ABCA13: variants seen among roughly 807,000 people sequenced by gnomAD.
The protein encoded by ABCA13 is ATP binding cassette subfamily A member 13.
In ABCA13, 476 loss-of-function variants were observed where a neutral mutation model predicts 478.7. The observed-to-expected ratio is 0.99, with a 90% CI of 0.92 to 1.07. The LOEUF is 1.07. Among genes scored for constraint, ABCA13 ranks in the 50% least tolerant of loss-of-function variants. The probability of loss-of-function intolerance (pLI) is 0.00; values close to 1 mark genes in which losing one functional copy is unlikely to be tolerated. For missense variants in ABCA13, 6,060 were observed against 5,910.6 expected, an observed-to-expected ratio of 1.03 and a Z score of -0.83; for synonymous variants, 2,252 against 2,158.9, an observed-to-expected ratio of 1.04 and a Z score of -1.20.
At chr7:48,283,584 T>C (rs1797335955) in intron 19 of ABCA13, among the ~76,000 whole-genome samples, 1 of 152,140 alleles carries the variant, frequency 6.6e-6, no homozygotes, top group African/African-American at 2.4e-5. Flanking sequence ...AAGGATTGGA[T>C]AGGTCAATGC....
In ABCA13 at chr7:48,244,662, CT is replaced by C; in HGVS notation, c.1350del (p.Leu451SerfsTer5). On this transcript the variant is annotated frameshift_variant, in exon 11 of 62. Transcript: ENST00000435803. LOFTEE classifies it high-confidence loss of function. Reference sequence around the variant, plus strand: ...AAGAGATTTCTTCAGCTTGATGGAGCTCTCAGAAATGCGATAGCTCAGAATT... The same window carrying C: ...AAGAGATTTCTTCAGCTTGATGGAGCCTCAGAAATGCGATAGCTCAGAATT... The part of the protein sequence containing the change: ...ALKRFLQLDG[A>X]LRNAIAQNLH... The C allele has an allele frequency of 6.2e-7, 1 of 1,610,804 alleles. No individual in the cohort carries two copies. Among genetic ancestry groups the C allele is most frequent in the Non-Finnish European group, 8.5e-7 (1 of 1,178,138 alleles).
rs769701374 is a variant in ABCA13 at position 48,516,805 on chromosome 7, TA to T, written c.13724del (p.Asn4575ThrfsTer11). 2.0e-5 allele frequency: 33 copies of T among 1,613,788 alleles called. 1 individual carries two copies. The African/African-American group carries it at 2.5e-4, about 12-fold the overall frequency. On this transcript the variant is annotated frameshift_variant, in exon 52 of 62. Coordinates refer to ENST00000435803, the MANE Select transcript of ABCA13 (RefSeq NM_152701.5). LOFTEE classifies it high-confidence loss of function. ...GTGGCTTTCATTTCCTATGTCTCAC[TA>T]AACTTCATCTTTGGCCTTTGTACCA... is the stretch of plus-strand genomic sequence containing the variant. The part of the protein sequence containing the change: ...SDVAFISYVS[L>X]NFIFGLCTML...
chr7:48,192,404 TA>T (rs1217663982), intron 1 of ABCA13, among the ~76,000 whole-genome samples: 1 of 152,166 alleles, frequency 6.6e-6, no homozygotes, highest in African/African-American at 2.4e-5. Context: ...AATGAAAGAT[TA>T]TTTATACACA....
chr7:48,641,712 G>GC (rs2131690674), intron 59 of ABCA13, among the ~76,000 whole-genome samples: 1 of 152,244 alleles, frequency 6.6e-6, no homozygotes, highest in African/African-American at 2.4e-5. Flanking sequence ...ATAATGTTAT[G>GC]CCCAGACACA....
At chr7:48,606,616 C>T (rs890642021) in intron 58 of ABCA13, among the ~76,000 whole-genome samples, 3 of 152,164 alleles carry the variant, frequency 2.0e-5, no homozygotes, top group Admixed American at 2.0e-4. Flanking sequence ...CTACCAAATA[C>T]CAGCCAGAGC....
chr7:48,612,652 T>A (rs190158065), intron 58 of ABCA13, among the ~76,000 whole-genome samples: 8 of 152,342 alleles, frequency 5.3e-5, no homozygotes, highest in African/African-American at 1.9e-4. Flanking sequence ...TGATATATTC[T>A]CCTACTGTGA....
intron 59 of ABCA13, among the ~76,000 whole-genome samples, chr7:48,628,911 C>A (rs1793912923): frequency 6.6e-6 from 1 of 152,210 alleles, no homozygotes; most frequent in South Asian, 2.1e-4. Context: ...GCCACTCAAG[C>A]ATTCAGCTTC....
chr7:48,428,148 A>G (rs1313424673), intron 42 of ABCA13, among the ~76,000 whole-genome samples: 1 of 152,192 alleles, frequency 6.6e-6, no homozygotes, highest in Non-Finnish European at 1.5e-5. Context: ...ATACAGTTAG[A>G]ATAATGACCA....
chr7:48,376,410 G>C, intron 34 of ABCA13, 31 bp from the exon 35 acceptor site: 1 of 1,610,380 alleles, frequency 6.2e-7, no homozygotes, highest in Non-Finnish European at 8.5e-7. Context: ...AGCTTGTGCA[G>C]TTCTAACTCT....
Position 48,284,680 on chromosome 7 carries a change from A to G in ABCA13, c.8836+3228A>G, listed in dbSNP as rs566992407. 1.5e-3 allele frequency among the ~76,000 whole-genome samples: 231 copies of G among 152,364 alleles called. 1 individual carries two copies. The highest frequency in any genetic ancestry group is 3.4e-3 in the Middle Eastern group (1 of 294). On this transcript the variant is annotated intron_variant, in intron 19 of 61. Transcript: ENST00000435803. ...ATTCTGTATTGCAGCTGCTAAATTAATATAGCATACTTGAGATTACATTAG... is the reference window on the plus strand; with the variant it reads ...ATTCTGTATTGCAGCTGCTAAATTAGTATAGCATACTTGAGATTACATTAG...
intron 24 of ABCA13, 75 bp downstream of exon 24, chr7:48,310,216 C>T (rs1303136149): frequency 3.4e-6 from 5 of 1,483,206 alleles, no homozygotes; most frequent in Admixed American, 2.0e-5. Context: ...GTACAGTAGT[C>T]CTAGGGGTGC....
At chr7:48,342,964 A>T (rs1424592249) in intron 29 of ABCA13, among the ~76,000 whole-genome samples, 2 of 152,100 alleles carry the variant, frequency 1.3e-5, no homozygotes, top group African/African-American at 4.8e-5. Context: ...GTCTATTTTC[A>T]TCTAATTTTG....
intron 27 of ABCA13, among the ~76,000 whole-genome samples, chr7:48,328,964 T>C (rs576498892): frequency 1.7e-4 from 26 of 152,278 alleles, no homozygotes; most frequent in African/African-American, 6.3e-4. Context: ...TGAGGCCATG[T>C]TGGGAATATC....
At chr7:48,203,780 C>T (rs1051227820) in intron 3 of ABCA13, among the ~76,000 whole-genome samples, 1 of 152,238 alleles carries the variant, frequency 6.6e-6, no homozygotes, top group African/African-American at 2.4e-5. Context: ...TGACAACCTT[C>T]GGGAGGCGGA....
At chr7:48,505,730 C>T (rs1288169269) in intron 48 of ABCA13, among the ~76,000 whole-genome samples, 4 of 152,214 alleles carry the variant, frequency 2.6e-5, no homozygotes, top group Non-Finnish European at 5.9e-5. Context: ...TCTGGGGAAG[C>T]ACTGTCCCAC....
Position 48,279,902 on chromosome 7 carries a change from T to C in ABCA13, c.8708T>C (p.Ile2903Thr), listed in dbSNP as rs199967057. The C allele has an allele frequency of 6.6e-7, 1 of 1,520,186 alleles. No homozygotes were observed. The highest frequency in any genetic ancestry group is 2.3e-5 in the East Asian group (1 of 44,090). The allele number at this position is 1,520,186 out of a possible 1,614,324, so 94.2% of individuals were successfully genotyped here. The change falls in exon 18 of 62, where the codon ATC (isoleucine) becomes ACC (threonine). Residue 2903 changes from isoleucine to threonine, a missense_variant. Coordinates refer to ENST00000435803, the MANE Select transcript of ABCA13 (RefSeq NM_152701.5). Reference sequence around the variant, plus strand: ...GTATTGACTAAATACTGGCAACAAATCCCACTAACAGATCAAAGGTAATTA... The same window carrying C: ...GTATTGACTAAATACTGGCAACAAACCCCACTAACAGATCAAAGGTAATTA... ...LFVLTKYWQQ[I>T]PLTDQSVVEI...
intron 28 of ABCA13, among the ~76,000 whole-genome samples, chr7:48,337,645 C>A (rs942268063): frequency 6.6e-6 from 1 of 152,216 alleles, no homozygotes; most frequent in Non-Finnish European, 1.5e-5. Context: ...AATTCCCAGT[C>A]ATTGATCCTG....
intron 23 of ABCA13, among the ~76,000 whole-genome samples, chr7:48,307,384 C>T (rs368659191): frequency 3.2e-4 from 48 of 152,144 alleles, no homozygotes; most frequent in African/African-American, 1.0e-3. Context: ...AACACAAGAA[C>T]GTATTTTACT....
intron 59 of ABCA13, among the ~76,000 whole-genome samples, chr7:48,622,288 C>A (rs2131596695): frequency 6.6e-6 from 1 of 152,268 alleles, no homozygotes; most frequent in South Asian, 2.1e-4. Flanking sequence ...CTTCTCTCTC[C>A]TAATCCATTC....
Sources: gnomAD v4.1 joint callset for allele counts (sites outside exome capture counted in the v4.1 genomes callset) on GRCh38, gnomAD v4.1.1 for gene constraint, MANE v1.5 for transcripts, NCBI Gene and HGNC (gene_info 2026-07-23, HGNC 2026-07-21) for gene names.